The following CCSER2 variants were observed in gnomAD, a reference collection of about 807,000 sequenced individuals.
CCSER2 encodes coiled-coil serine rich protein 2.
Under a neutral mutation model 92.3 loss-of-function variants are expected in CCSER2, and 46 were observed. That is an observed-to-expected ratio of 0.50 (90% confidence interval 0.39 to 0.64). The LOEUF (loss-of-function observed/expected upper bound fraction) is 0.64. CCSER2 is among the 30% of genes least tolerant of loss of function. The pLI is 0.00. For missense variants in CCSER2, 1,244 were observed against 1,238.9 expected, an observed-to-expected ratio of 1.00 and a Z score of -0.06; for synonymous variants, 433 against 431.4, an observed-to-expected ratio of 1.00 and a Z score of -0.04.
chr10:84,408,031 A>C (rs746006831), intron 3 of CCSER2, among the ~76,000 whole-genome samples: 3 of 152,168 alleles, frequency 2.0e-5, no homozygotes, highest in Non-Finnish European at 2.9e-5. Flanking sequence ...AGGTTCCCAC[A>C]TGGCAGGCTG....
At chr10:84,470,926 T>C (rs1020184564) in intron 8 of CCSER2, among the ~76,000 whole-genome samples, 4 of 152,120 alleles carry the variant, frequency 2.6e-5, no homozygotes, top group Non-Finnish European at 4.4e-5. Flanking sequence ...ATCAGAGTCA[T>C]GTTTGAATCT....
intron 6 of CCSER2, among the ~76,000 whole-genome samples, chr10:84,441,741 T>G (rs1435295611): frequency 2.1e-4 from 4 of 19,024 alleles, no homozygotes; most frequent in Non-Finnish European, 3.7e-4. Context: ...AAAATGTTTT[T>G]TTTTTTTTTT....
intron 9 of CCSER2, chr10:84,499,982 T>C (rs1848641225): frequency 6.2e-7 from 1 of 1,613,792 alleles, no homozygotes; most frequent in Admixed American, 1.7e-5. Flanking sequence ...CTCTCACTCC[T>C]ATCCTGCTCT....
intron 8 of CCSER2, among the ~76,000 whole-genome samples, chr10:84,474,323 G>C (rs1046439321): frequency 2.0e-5 from 3 of 152,202 alleles, no homozygotes; most frequent in African/African-American, 7.2e-5. Flanking sequence ...TCTCTGAAGG[G>C]AGTTCTATAA....
chr10:84,369,738 A>G (rs1041040051), intron 1 of CCSER2, among the ~76,000 whole-genome samples: 3 of 152,052 alleles, frequency 2.0e-5, no homozygotes, highest in African/African-American at 4.8e-5. Flanking sequence ...ACCAATATCC[A>G]GAAGAGTTTT....
intron 6 of CCSER2, among the ~76,000 whole-genome samples, chr10:84,444,891 T>A (rs1023610341): frequency 3.9e-5 from 6 of 152,210 alleles, no homozygotes; most frequent in African/African-American, 1.2e-4. Context: ...CATCACAACA[T>A]CATTATGGGA....
In CCSER2 at chr10:84,426,869, AAAGTT is replaced by A. The variant is rs147823819; in HGVS notation, c.1868+980_1868+984del. Among the ~76,000 whole-genome samples, 751 of 152,324 alleles carry A rather than the reference AAAGTT, an allele frequency of 4.9e-3. 4 individuals carry two copies. Among genetic ancestry groups the A allele is most frequent in the African/African-American group, 0.017 (726 of 41,560 alleles). On this transcript the variant is annotated intron_variant, in intron 5 of 9. Transcript: ENST00000372088. ...TTTTTTCCTGAATTAATTTGTCAGA[AAAGTT>A]AAGCAACATTTTCAAACAACTGTGT...
Position 84,514,441 on chromosome 10 carries a change from A to C in CCSER2, c.*174A>C, listed in dbSNP as rs1383123264. ...GCTCCTTCATTTTATATCCTGGTTG[A>C]AGTACATGCCATTTGAGCATAATTA... On this transcript the variant is annotated 3_prime_UTR_variant, in exon 10 of 10. Transcript: ENST00000372088. The C allele has an allele frequency of 1.7e-6, 1 of 590,026 alleles. No homozygotes were observed. The highest frequency in any genetic ancestry group is 3.0e-6 in the Non-Finnish European group (1 of 338,410). 36.5% of individuals were successfully genotyped at this position (590,026 alleles called of 1,614,324 possible).
intron 3 of CCSER2, chr10:84,389,503 C>T (rs372185970): frequency 8.0e-5 from 23 of 287,944 alleles, no homozygotes; most frequent in African/African-American, 2.7e-4. Flanking sequence ...TCAGATCCTT[C>T]GAGGTACTGG....
intron 3 of CCSER2, among the ~76,000 whole-genome samples, chr10:84,388,893 TGCTGTGCAGCTC>T (rs1328894494): frequency 6.6e-6 from 1 of 152,170 alleles, no homozygotes; most frequent in Non-Finnish European, 1.5e-5. Flanking sequence ...GCTCACCTCT[TGCTGTGCAGCTC>T]AGTTCTTAAC....
chr10:84,439,731 G>C (rs1844410397), intron 6 of CCSER2, among the ~76,000 whole-genome samples: 2 of 152,222 alleles, frequency 1.3e-5, no homozygotes, highest in South Asian at 4.1e-4. Flanking sequence ...GAACAAAAGA[G>C]TGGAGAATCC....
chr10:84,362,406 C>G (rs921269623), intron 1 of CCSER2, among the ~76,000 whole-genome samples: 4 of 152,028 alleles, frequency 2.6e-5, no homozygotes, highest in Non-Finnish European at 5.9e-5. Context: ...ATTTGCATGC[C>G]CCACAGGTAT....
At chr10:84,436,561 C>T (rs959234116) in intron 5 of CCSER2, among the ~76,000 whole-genome samples, 1 of 135,994 alleles carries the variant, frequency 7.4e-6, no homozygotes, top group South Asian at 2.5e-4. Flanking sequence ...CATGAATCCC[C>T]GAGGCGGAGC....
At chr10:84,443,321 A>G (rs886313590) in intron 6 of CCSER2, among the ~76,000 whole-genome samples, 32 of 152,226 alleles carry the variant, frequency 2.1e-4, no homozygotes, top group African/African-American at 6.3e-4. Flanking sequence ...AACCCCATCA[A>G]AAAGTGGGCA....
intron 1 of CCSER2, among the ~76,000 whole-genome samples, chr10:84,331,432 G>T (rs1012847020): frequency 6.6e-5 from 10 of 152,188 alleles, no homozygotes; most frequent in African/African-American, 2.4e-4. Context: ...TAACTTCAGT[G>T]CTTGGGGCGC....
chr10:84,418,181 T>C (rs1291046075), intron 4 of CCSER2, among the ~76,000 whole-genome samples: 1 of 152,206 alleles, frequency 6.6e-6, no homozygotes, highest in Non-Finnish European at 1.5e-5. Flanking sequence ...TAGGAAGAAA[T>C]GTATTTACAG....
intron 1 of CCSER2, among the ~76,000 whole-genome samples, chr10:84,370,752 T>C (rs1463277767): frequency 3.3e-5 from 5 of 152,112 alleles, no homozygotes; most frequent in African/African-American, 1.2e-4. Flanking sequence ...ATAGTCAAAT[T>C]TGGTGGTTTA....
intron 1 of CCSER2, among the ~76,000 whole-genome samples, chr10:84,361,270 CTT>C (rs1845485599): frequency 6.6e-6 from 1 of 152,198 alleles, no homozygotes; most frequent in Non-Finnish European, 1.5e-5. Context: ...TCATTTCTGT[CTT>C]TTATGCTCAG....
At chr10:84,354,036 A>C (rs561527898) in intron 1 of CCSER2, among the ~76,000 whole-genome samples, 97 of 151,950 alleles carry the variant, frequency 6.4e-4, no homozygotes, top group African/African-American at 2.2e-3. Context: ...CATTCTTTAC[A>C]AAAAATACAA....
Sources: gnomAD v4.1 joint callset for allele counts (sites outside exome capture counted in the v4.1 genomes callset) on GRCh38, gnomAD v4.1.1 for gene constraint, MANE v1.5 for transcripts, NCBI Gene and HGNC (gene_info 2026-07-23, HGNC 2026-07-21) for gene names.